TC2N: variants seen among roughly 807,000 people sequenced by gnomAD.
TC2N encodes tandem C2 domains, nuclear, also known as tandem C2 domains nuclear protein.
Under a neutral mutation model 61.9 loss-of-function variants are expected in TC2N, and 51 were observed. The observed-to-expected ratio is 0.82, with a 90% CI of 0.66 to 1.04. TC2N has a LOEUF of 1.04. Among genes scored for constraint, TC2N ranks in the 50% least tolerant of loss-of-function variants. TC2N has a pLI of 0.00. For missense variants in TC2N, 556 were observed against 566.7 expected, an observed-to-expected ratio of 0.98 and a Z score of 0.19; for synonymous variants, 204 against 192.6, an observed-to-expected ratio of 1.06 and a Z score of -0.49.
At chr14:91,830,379 T>C (rs1887699877) in intron 1 of TC2N, among the ~76,000 whole-genome samples, 1 of 152,130 alleles carries the variant, frequency 6.6e-6, no homozygotes, top group African/African-American at 2.4e-5. Flanking sequence ...TAAAAACAAA[T>C]GAAGTACTGA....
At chr14:91,787,244 C>G (rs187470320) in intron 10 of TC2N, among the ~76,000 whole-genome samples, 1 of 152,232 alleles carries the variant, frequency 6.6e-6, no homozygotes, top group African/African-American at 2.4e-5. Context: ...TGAAAATCCT[C>G]TAGACATTCA....
chr14:91,857,123 G>T (rs2139923471), intron 1 of TC2N, among the ~76,000 whole-genome samples: 1 of 152,316 alleles, frequency 6.6e-6, no homozygotes, highest in African/African-American at 2.4e-5. Context: ...AGTCCTCATT[G>T]TAAAGGCAGT....
rs773854759 is a variant in TC2N at position 91,812,292 on chromosome 14, ACTG to A, written c.301+17_301+19del. On this transcript the variant is annotated intron_variant, in intron 3 of 11. Coordinates refer to ENST00000435962, the MANE Select transcript of TC2N (RefSeq NM_001128596.3). ...AAATGCTACATATCGATTTTTAAAT[ACTG>A]CTATTTTATTGTTTACCTTCAAGTT... The A allele has an allele frequency of 1.5e-6, 2 of 1,362,370 alleles. No homozygotes were observed. Among genetic ancestry groups the A allele is most frequent in the Non-Finnish European group, 2.0e-6 (2 of 992,850 alleles). 84.4% of individuals were successfully genotyped at this position (1,362,370 alleles called of 1,614,324 possible). A position where few individuals can be genotyped will look rare whatever the true frequency, so the allele number is the denominator to read the frequency against.
chr14:91,840,056 C>G (rs1301540823), intron 1 of TC2N, among the ~76,000 whole-genome samples: 1 of 152,214 alleles, frequency 6.6e-6, no homozygotes, highest in Non-Finnish European at 1.5e-5. Flanking sequence ...CCCACTGTCT[C>G]CCTCTTTCCA....
At chr14:91,807,485 C>A (rs890245287) in intron 3 of TC2N, among the ~76,000 whole-genome samples, 1 of 152,184 alleles carries the variant, frequency 6.6e-6, no homozygotes, top group Non-Finnish European at 1.5e-5. Flanking sequence ...GACCTGGATG[C>A]GAGACATGGA....
intron 1 of TC2N, among the ~76,000 whole-genome samples, chr14:91,856,520 A>T (rs991640015): frequency 2.0e-5 from 3 of 151,716 alleles, no homozygotes; most frequent in Non-Finnish European, 4.4e-5. Flanking sequence ...TTTAGGGAAG[A>T]AAAAAGGAAG....
intron 9 of TC2N, among the ~76,000 whole-genome samples, chr14:91,791,177 G>T (rs1885628622): frequency 6.7e-5 from 1 of 14,912 alleles, no homozygotes; most frequent in African/African-American, 8.8e-5. Context: ...GGAAGGGAAA[G>T]GAGGGGAGGG....
At chr14:91,809,662 G>T (rs754337012) in intron 3 of TC2N, among the ~76,000 whole-genome samples, 1 of 151,998 alleles carries the variant, frequency 6.6e-6, no homozygotes, top group Non-Finnish European at 1.5e-5. Flanking sequence ...CAACACGCAG[G>T]GTATATAAAA....
In TC2N at chr14:91,787,467, A is replaced by C. The variant is rs140265491; in HGVS notation, c.1162+46T>G. 139 of 1,118,610 alleles carry C rather than the reference A, an allele frequency of 1.2e-4. 2 individuals carry two copies. In the African/African-American group the frequency reaches 1.9e-3, roughly 16 times the overall value. 69.3% of individuals were successfully genotyped at this position (1,118,610 alleles called of 1,614,324 possible). A position where few individuals can be genotyped will look rare whatever the true frequency, so the allele number is the denominator to read the frequency against. ...AAATGTAAAAAAAATACTTTCTATT[A>C]CTAATACTTTCTGAAGATTCTACTT... On this transcript the variant is annotated intron_variant, in intron 10 of 11. Transcript: ENST00000435962.
At chr14:91,854,434 A>G (rs1888439237) in intron 1 of TC2N, among the ~76,000 whole-genome samples, 1 of 101,646 alleles carries the variant, frequency 9.8e-6, no homozygotes, top group Non-Finnish European at 1.9e-5. Context: ...GGGGAGGGGA[A>G]GGAGGAGGAG....
chr14:91,829,182 T>G (rs1056718789), intron 1 of TC2N, among the ~76,000 whole-genome samples: 1 of 152,108 alleles, frequency 6.6e-6, no homozygotes. Flanking sequence ...TCATTGAGAT[T>G]CTTGAATATA....
chr14:91,787,374 A>T, intron 10 of TC2N, 139 bp downstream of exon 10: 1 of 553,084 alleles, frequency 1.8e-6, no homozygotes, highest in Non-Finnish European at 3.0e-6. Context: ...TTGAAATCTT[A>T]TAATTTTAAA....
intron 1 of TC2N, among the ~76,000 whole-genome samples, chr14:91,828,285 T>C (rs1038360605): frequency 6.6e-6 from 1 of 152,100 alleles, no homozygotes; most frequent in African/African-American, 2.4e-5. Context: ...TTAATTATTA[T>C]CAACTCATAG....
intron 8 of TC2N, among the ~76,000 whole-genome samples, chr14:91,795,694 C>T (rs939525030): frequency 2.0e-5 from 3 of 152,074 alleles, no homozygotes; most frequent in Non-Finnish European, 1.5e-5. Flanking sequence ...AACCAAAAAA[C>T]TCATGTGACC....
chr14:91,803,006 G>C (rs1319610620), intron 3 of TC2N, among the ~76,000 whole-genome samples: 3 of 151,974 alleles, frequency 2.0e-5, no homozygotes, highest in African/African-American at 7.3e-5. Flanking sequence ...GCTCTACTGG[G>C]AATTAGGAAT....
intron 1 of TC2N, among the ~76,000 whole-genome samples, chr14:91,844,608 A>G (rs1177120546): frequency 6.6e-6 from 1 of 151,028 alleles, no homozygotes; most frequent in Non-Finnish European, 1.5e-5. Context: ...CTAAAAATAT[A>G]AAAATTAGCT....
In TC2N at chr14:91,780,644, T is replaced by G. The variant is rs1431401549; in HGVS notation, c.*2456A>C. ...CTATCAGCGTGAACCCTTCCATGGT[T>G]TCCTTTGATCACATGACATCATTAT... On this transcript the variant is annotated 3_prime_UTR_variant, in exon 12 of 12. Transcript: ENST00000435962. 1 of 152,238 alleles carries G rather than the reference T, an allele frequency of 6.6e-6. No homozygotes were observed. The highest frequency in any genetic ancestry group is 1.5e-5 in the Non-Finnish European group (1 of 68,028). The allele number at this position is 152,238 out of a possible 1,614,324, so 9.4% of individuals were successfully genotyped here.
At chr14:91,799,442 C>A (rs1177593873) in intron 5 of TC2N, among the ~76,000 whole-genome samples, 1 of 151,966 alleles carries the variant, frequency 6.6e-6, no homozygotes. Flanking sequence ...TCAATCTGGA[C>A]CTGCAGAAAC....
chr14:91,789,199 C>G (rs184909233), intron 9 of TC2N, among the ~76,000 whole-genome samples: 1 of 152,268 alleles, frequency 6.6e-6, no homozygotes, highest in South Asian at 2.1e-4. Flanking sequence ...TAAAACAGAG[C>G]AGCATTTGGC....
Sources: gnomAD v4.1 joint callset for allele counts (sites outside exome capture counted in the v4.1 genomes callset) on GRCh38, gnomAD v4.1.1 for gene constraint, MANE v1.5 for transcripts, NCBI Gene and HGNC (gene_info 2026-07-23, HGNC 2026-07-21) for gene names.